Variants in GRID2 observed in about 807,000 individuals in gnomAD.
The protein encoded by GRID2 is glutamate ionotropic receptor delta type subunit 2, also known as glutamate receptor ionotropic, delta-2.
GRID2 carries 33 observed loss-of-function variants against 114.8 expected under a neutral mutation model. The observed-to-expected ratio is 0.29, with a 90% CI of 0.22 to 0.38. The LOEUF is 0.38. Ranked by LOEUF, GRID2 falls within the 10% of genes least tolerant of loss-of-function variation. The pLI is 1.00. For synonymous variants in GRID2, 505 were observed against 449.9 expected (o/e 1.12, Z -1.55); for missense variants, 1,184 against 1,257.7 (o/e 0.94, Z 0.89).
intron 12 of GRID2, among the ~76,000 whole-genome samples, chr4:93,502,901 C>T (rs551564695): frequency 4.9e-4 from 74 of 152,000 alleles, no homozygotes; most frequent in Middle Eastern, 3.4e-3. Flanking sequence ...ATTCAGAGGA[C>T]GATTGTCATT....
At chr4:93,682,041 G>A (rs1255282599) in intron 14 of GRID2, among the ~76,000 whole-genome samples, 1 of 151,416 alleles carries the variant, frequency 6.6e-6, no homozygotes, top group Non-Finnish European at 1.5e-5. Context: ...TCTGACAAAG[G>A]GCTAATATCC....
chr4:93,740,666 C>A (rs183867942), intron 14 of GRID2, among the ~76,000 whole-genome samples: 125 of 152,276 alleles, frequency 8.2e-4, no homozygotes, highest in Non-Finnish European at 1.5e-3. Flanking sequence ...GTCTCATCAT[C>A]TTCAGAACCA....
intron 1 of GRID2, among the ~76,000 whole-genome samples, chr4:93,785,470 C>T (rs575243601): frequency 1.3e-5 from 2 of 152,128 alleles, no homozygotes; most frequent in Non-Finnish European, 2.9e-5. Context: ...GATCATGTGA[C>T]CAGTATAGGC....
At chr4:92,444,955 T>C (rs1342977512) in intron 1 of GRID2, among the ~76,000 whole-genome samples, 1 of 152,176 alleles carries the variant, frequency 6.6e-6, no homozygotes, top group Non-Finnish European at 1.5e-5. Flanking sequence ...AAATCACAAG[T>C]TTTGTCACGT....
At chr4:92,903,025 T>C (rs1210065764) in intron 2 of GRID2, among the ~76,000 whole-genome samples, 1 of 152,004 alleles carries the variant, frequency 6.6e-6, no homozygotes, top group Non-Finnish European at 1.5e-5. Flanking sequence ...TAGGATCGCT[T>C]CGGTTATTCA....
At chr4:92,483,200 G>C (rs778620224) in intron 1 of GRID2, among the ~76,000 whole-genome samples, 1 of 152,032 alleles carries the variant, frequency 6.6e-6, no homozygotes, top group South Asian at 2.1e-4. Flanking sequence ...TTAGCTGGCT[G>C]TAGTGCACAT....
intron 8 of GRID2, among the ~76,000 whole-genome samples, chr4:93,382,805 T>A (rs915424916): frequency 1.3e-5 from 2 of 152,174 alleles, no homozygotes; most frequent in South Asian, 2.1e-4. Flanking sequence ...CCTTATAATT[T>A]TTTTTTGTTG....
At position 92,316,601 on chromosome 4, in the gene GRID2, A is replaced by T. The variant is rs6820572; in HGVS notation, c.88+11857A>T. The stretch of plus-strand genomic sequence containing the variant: ...ATCATTGAAACAAGACACGTTTCAT[A>T]TCCTTAGAACTTTCAGGAGTATCTG... On this transcript the variant is annotated intron_variant, in intron 1 of 15. Coordinates refer to ENST00000282020, the MANE Select transcript of GRID2 (RefSeq NM_001510.4). Among the ~76,000 whole-genome samples, 8 of 152,270 alleles carry T rather than the reference A, an allele frequency of 5.3e-5. No individual in the cohort carries two copies. In the East Asian group the frequency reaches 1.5e-3, roughly 29 times the overall value.
rs1721763548 is a variant in GRID2 at position 92,466,601 on chromosome 4, T to TA, written c.89-123529dup. 3.9e-5 allele frequency among the ~76,000 whole-genome samples: 6 copies of TA among 151,996 alleles called. No individual in the cohort carries two copies. In the South Asian group the frequency reaches 1.2e-3, roughly 31 times the overall value. On this transcript the variant is annotated intron_variant, in intron 1 of 15. Coordinates refer to ENST00000282020, the MANE Select transcript of GRID2 (RefSeq NM_001510.4). ...TTCATTTTTTAAAATTATTTGCCAT[T>TA]ACTCATTTCCTTGGTTTCTTTTACA...
chr4:93,014,959 G>T (rs1722536325), intron 2 of GRID2, among the ~76,000 whole-genome samples: 1 of 152,074 alleles, frequency 6.6e-6, no homozygotes, highest in African/African-American at 2.4e-5. Context: ...AAAATAAAAA[G>T]ATGGTGAGTG....
intron 2 of GRID2, among the ~76,000 whole-genome samples, chr4:92,914,452 T>A (rs1329232612): frequency 6.6e-6 from 1 of 152,152 alleles, no homozygotes; most frequent in South Asian, 2.1e-4. Flanking sequence ...GGAGTGTAAG[T>A]GCAGGTTTGT....
At chr4:92,932,376 TACATGCAC>T (rs1750309351) in intron 2 of GRID2, among the ~76,000 whole-genome samples, 1 of 151,114 alleles carries the variant, frequency 6.6e-6, no homozygotes, top group Non-Finnish European at 1.5e-5. Flanking sequence ...CACACACACA[TACATGCAC>T]ACATGCACAC....
intron 8 of GRID2, among the ~76,000 whole-genome samples, chr4:93,267,137 T>C (rs1750927190): frequency 6.6e-6 from 1 of 151,752 alleles, no homozygotes; most frequent in African/African-American, 2.4e-5. Context: ...TATGGGTGGA[T>C]AGTGTTCCAT....
At chr4:92,477,659 A>T (rs757736059) in intron 1 of GRID2, among the ~76,000 whole-genome samples, 3 of 150,936 alleles carry the variant, frequency 2.0e-5, no homozygotes, top group African/African-American at 4.9e-5. Flanking sequence ...ATATATATAT[A>T]TTTTAAAGAG....
intron 1 of GRID2, among the ~76,000 whole-genome samples, chr4:92,415,506 T>C (rs1331415336): frequency 6.6e-6 from 1 of 151,496 alleles, no homozygotes; most frequent in Non-Finnish European, 1.5e-5. Context: ...GACCATTATA[T>C]CATTCTTTAG....
At chr4:93,349,339 T>A (rs1579771233) in intron 8 of GRID2, among the ~76,000 whole-genome samples, 1 of 152,228 alleles carries the variant, frequency 6.6e-6, no homozygotes, top group East Asian at 1.9e-4. Context: ...CTGAATAATC[T>A]CAAGAGGTAA....
At chr4:92,558,618 C>G (rs1726975030) in intron 1 of GRID2, among the ~76,000 whole-genome samples, 1 of 152,064 alleles carries the variant, frequency 6.6e-6, no homozygotes, top group Non-Finnish European at 1.5e-5. Context: ...GCTTTTATTC[C>G]TCCTACCTCT....
chr4:92,624,776 C>G (rs1431881584), intron 2 of GRID2, among the ~76,000 whole-genome samples: 1 of 151,514 alleles, frequency 6.6e-6, no homozygotes, highest in African/African-American at 2.4e-5. Flanking sequence ...CAAGTACAGA[C>G]TAAATATTGA....
At chr4:93,446,600 G>T (rs1722116728) in intron 10 of GRID2, among the ~76,000 whole-genome samples, 1 of 152,024 alleles carries the variant, frequency 6.6e-6, no homozygotes, top group South Asian at 2.1e-4. Context: ...GAGCTAAAGT[G>T]AATTGAAGAT....
Sources: gnomAD v4.1 joint callset for allele counts (sites outside exome capture counted in the v4.1 genomes callset) on GRCh38, gnomAD v4.1.1 for gene constraint, MANE v1.5 for transcripts, NCBI Gene and HGNC (gene_info 2026-07-23, HGNC 2026-07-21) for gene names.